COBL: variants seen among roughly 807,000 people sequenced by gnomAD.
COBL encodes protein cordon-bleu.
A neutral mutation model predicts 98.8 loss-of-function variants in COBL; 51 were observed. The ratio of observed to expected loss-of-function variants is 0.52; its 90% confidence interval spans 0.41 to 0.65. The LOEUF (loss-of-function observed/expected upper bound fraction) is 0.65. COBL is among the 30% of genes least tolerant of loss of function. COBL has a pLI of 0.00. For missense variants in COBL, 1,617 were observed against 1,617.5 expected (o/e 1.00, Z 0.01); for synonymous variants, 634 against 651.7 (o/e 0.97, Z 0.41).
chr7:51,039,231 G>A (rs1475298444), intron 8 of COBL, among the ~76,000 whole-genome samples: 4 of 152,222 alleles, frequency 2.6e-5, no homozygotes, highest in East Asian at 1.9e-4. Context: ...TCTCTCAACC[G>A]CCAGAGTCTG....
intron 1 of COBL, among the ~76,000 whole-genome samples, chr7:51,220,485 C>T (rs568934705): frequency 1.6e-4 from 25 of 152,268 alleles, no homozygotes; most frequent in East Asian, 7.7e-4. Flanking sequence ...TGGACAGATG[C>T]GGCTGTTTGG....
rs543843102 is a variant in COBL, at chr7:51,072,587, C to CT, written c.1096+12578dup. The CT allele has an allele frequency of 2.6e-5, 4 of 152,346 alleles. No homozygotes were observed. In the East Asian group the frequency reaches 7.7e-4, roughly 29 times the overall value. The allele number at this position is 152,346 out of a possible 1,614,324, so 9.4% of individuals were successfully genotyped here. On this transcript the variant is annotated intron_variant, in intron 7 of 12. Transcript: ENST00000265136. Reference sequence around the variant, plus strand: ...AGAGGTCACGTGCTTGTTATTCACTCTTATAGCCCACAAAACTGGTGTAAT... The same window carrying CT: ...AGAGGTCACGTGCTTGTTATTCACTCTTTATAGCCCACAAAACTGGTGTAAT...
intron 4 of COBL, among the ~76,000 whole-genome samples, chr7:51,190,171 TG>T (rs1789955479): frequency 6.6e-6 from 1 of 152,192 alleles, no homozygotes; most frequent in African/African-American, 2.4e-5. Context: ...GTTTGAAACC[TG>T]GGAACAGCAG....
chr7:51,206,161 C>T (rs900224334), intron 2 of COBL, among the ~76,000 whole-genome samples: 5 of 152,014 alleles, frequency 3.3e-5, no homozygotes, highest in African/African-American at 1.2e-4. Flanking sequence ...ATAGAATTAC[C>T]ATATAACCCA....
rs552870151 is a variant in COBL at position 51,302,775 on chromosome 7, G to T, written c.41+13818C>A. On this transcript the variant is annotated intron_variant, in intron 1 of 12. Transcript: ENST00000265136. ...AATTCACAATTCTGGTAATAATTGT[G>T]CTTTGAAAATACTGGAACTTAACTG... Among the ~76,000 whole-genome samples the T allele has an allele frequency of 9.5e-4, 144 of 152,200 alleles. 2 individuals carry two copies. The highest frequency in any genetic ancestry group is 3.4e-3 in the African/African-American group (141 of 41,540).
At chr7:51,193,614 A>T (rs1262691259) in intron 2 of COBL, 25 bp from the exon 3 acceptor site, 3 of 1,601,556 alleles carry the variant, frequency 1.9e-6, no homozygotes, top group East Asian at 2.2e-5. Context: ...ACAAATCATG[A>T]TTATTAGGAA....
chr7:51,296,819 C>A (rs1801457900), intron 1 of COBL, among the ~76,000 whole-genome samples: 1 of 152,156 alleles, frequency 6.6e-6, no homozygotes, highest in African/African-American at 2.4e-5. Flanking sequence ...ACACATATTT[C>A]TTGAAGAGGA....
chr7:51,148,545 T>C (rs1016160371), intron 5 of COBL, among the ~76,000 whole-genome samples: 2 of 152,192 alleles, frequency 1.3e-5, no homozygotes, highest in Non-Finnish European at 2.9e-5. Context: ...TAAGGTCTTG[T>C]CCTGGCCCCT....
At chr7:51,250,250 G>A (rs948604403) in intron 1 of COBL, among the ~76,000 whole-genome samples, 3 of 152,114 alleles carry the variant, frequency 2.0e-5, no homozygotes, top group Non-Finnish European at 4.4e-5. Flanking sequence ...GAAAGTGACT[G>A]GTACACACTC....
intron 5 of COBL, among the ~76,000 whole-genome samples, chr7:51,139,020 C>A (rs79148685): frequency 0.028 from 4,311 of 152,258 alleles, 174 homozygotes; most frequent in Admixed American, 0.085. Flanking sequence ...GTGCAGAATA[C>A]TCCCTTAAAA....
At chr7:51,050,451 A>G (rs1790124022) in intron 7 of COBL, among the ~76,000 whole-genome samples, 1 of 152,240 alleles carries the variant, frequency 6.6e-6, no homozygotes, top group African/African-American at 2.4e-5. Context: ...TTGTGTTAAA[A>G]GAATTCTGTC....
intron 7 of COBL, among the ~76,000 whole-genome samples, chr7:51,065,667 A>G (rs1007453568): frequency 6.6e-6 from 1 of 152,344 alleles, no homozygotes; most frequent in East Asian, 1.9e-4. Flanking sequence ...GTACAACAGA[A>G]GCTCTCCAGC....
chr7:51,076,099 C>T (rs1003175986), intron 7 of COBL, among the ~76,000 whole-genome samples: 5 of 152,234 alleles, frequency 3.3e-5, no homozygotes, highest in Admixed American at 3.3e-4. Context: ...CAAATAAACA[C>T]CAGCCAAGGG....
At chr7:51,261,679 C>T (rs1336106042) in intron 1 of COBL, among the ~76,000 whole-genome samples, 1 of 152,048 alleles carries the variant, frequency 6.6e-6, no homozygotes, top group Non-Finnish European at 1.5e-5. Context: ...AGAAGGCAGC[C>T]CGAGGGGCCA....
intron 5 of COBL, among the ~76,000 whole-genome samples, chr7:51,143,111 A>AC (rs1784697954): frequency 6.6e-6 from 1 of 152,162 alleles, no homozygotes; most frequent in Admixed American, 6.5e-5. Context: ...CAGCATAGTG[A>AC]CTGACCAGAA....
At chr7:51,179,175 T>C (rs1363317833) in intron 5 of COBL, among the ~76,000 whole-genome samples, 1 of 152,210 alleles carries the variant, frequency 6.6e-6, no homozygotes, top group Non-Finnish European at 1.5e-5. Context: ...ATATTTGGTA[T>C]GTGAAAATCA....
intron 1 of COBL, among the ~76,000 whole-genome samples, chr7:51,261,310 T>C (rs1371797446): frequency 6.6e-6 from 1 of 152,158 alleles, no homozygotes; most frequent in Non-Finnish European, 1.5e-5. Context: ...CTTCCAGAAA[T>C]TATACTTTAT....
At chr7:51,162,073 C>T (rs562674076) in intron 5 of COBL, among the ~76,000 whole-genome samples, 16 of 152,206 alleles carry the variant, frequency 1.1e-4, no homozygotes, top group Non-Finnish European at 2.2e-4. Flanking sequence ...AGCTAACTCA[C>T]ACCTTATCAT....
At chr7:51,098,072 G>GA (rs1317791154) in intron 6 of COBL, among the ~76,000 whole-genome samples, 1 of 143,214 alleles carries the variant, frequency 7.0e-6, no homozygotes, top group Non-Finnish European at 1.5e-5. Flanking sequence ...AGATAAAAAA[G>GA]ACTTGCACAC....
Sources: allele counts gnomAD v4.1 joint callset (sites outside exome capture counted in the v4.1 genomes callset), GRCh38; gene constraint gnomAD v4.1.1; transcripts MANE v1.5; gene names NCBI Gene and HGNC (gene_info 2026-07-23, HGNC 2026-07-21).